The following EML6 variants were observed in gnomAD, a reference collection of about 807,000 sequenced individuals.
EML6 encodes the protein echinoderm microtubule-associated protein-like 6.
In EML6, 154 loss-of-function variants were observed where a neutral mutation model predicts 240.1. The ratio of observed to expected loss-of-function variants is 0.64; its 90% CI spans 0.56 to 0.73. The LOEUF is 0.73. Ranked by LOEUF, EML6 falls within the 30% of genes least tolerant of loss-of-function variation. The pLI, the probability that EML6 is intolerant of heterozygous loss-of-function variation, is 0.00. For synonymous variants in EML6, 1,148 were observed against 899.0 expected, an observed-to-expected ratio of 1.28 and a Z score of -4.95; for missense variants, 2,964 against 2,474.6, an observed-to-expected ratio of 1.20 and a Z score of -4.20.
intron 7 of EML6, among the ~76,000 whole-genome samples, chr2:54,840,843 T>G (rs1325462440): frequency 2.6e-5 from 4 of 152,166 alleles, no homozygotes; most frequent in African/African-American, 9.7e-5. Context: ...ACAGTAAAAG[T>G]AGATTATTTG....
intron 25 of EML6, among the ~76,000 whole-genome samples, chr2:54,912,187 C>T (rs766431284): frequency 1.9e-4 from 29 of 152,208 alleles, no homozygotes; most frequent in Non-Finnish European, 3.4e-4. Context: ...AAAAAATATA[C>T]ATCGTTATAG....
chr2:54,765,620 C>A (rs1614026), intron 2 of EML6, among the ~76,000 whole-genome samples: 3 of 151,996 alleles, frequency 2.0e-5, no homozygotes, highest in African/African-American at 7.2e-5. Context: ...GCCCTATGTC[C>A]GGCTAAGTTT....
chr2:54,847,721 C>T, intron 9 of EML6, 98 bp downstream of exon 9: 3 of 1,319,350 alleles, frequency 2.3e-6, no homozygotes, highest in South Asian at 1.4e-5. Context: ...AGGAAAAATC[C>T]ATTTAGCCAT....
At position 54,879,501 on chromosome 2, in the gene EML6, G is replaced by GT. The variant is rs1558642677; in HGVS notation, c.2345-40dup. ...CTCTTTACAGTGTATGAAATGTTTT[G>GT]TTTTTTCATGGAAGAAATTTTGACA... On this transcript the variant is annotated intron_variant, in intron 16 of 41. Coordinates refer to ENST00000356458, the MANE Select transcript of EML6 (RefSeq NM_001039753.4). The GT allele has an allele frequency of 8.5e-6, 11 of 1,291,142 alleles. No individual in the cohort carries two copies. The South Asian group carries it at 9.0e-5, about 11-fold the overall frequency. The allele number at this position is 1,291,142 out of a possible 1,614,324, so 80.0% of individuals were successfully genotyped here.
chr2:54,781,434 A>G (rs900728036), intron 2 of EML6, among the ~76,000 whole-genome samples: 1 of 152,216 alleles, frequency 6.6e-6, no homozygotes, highest in Non-Finnish European at 1.5e-5. Flanking sequence ...ATAGGAATTA[A>G]AATATTACCA....
chr2:54,866,918 C>G (rs1558630251), intron 14 of EML6, 34 bp downstream of exon 14: 1 of 1,294,364 alleles, frequency 7.7e-7, no homozygotes, highest in Non-Finnish European at 1.1e-6. Context: ...CGTATGTGTT[C>G]CTCTGTCTCT....
chr2:54,739,912 T>C (rs1343918215), intron 2 of EML6, among the ~76,000 whole-genome samples: 1 of 152,162 alleles, frequency 6.6e-6, no homozygotes, highest in Non-Finnish European at 1.5e-5. Flanking sequence ...TTCTGGAGAC[T>C]CTTGATTCCT....
intron 28 of EML6, among the ~76,000 whole-genome samples, chr2:54,939,725 C>T (rs1175015776): frequency 6.6e-6 from 1 of 152,204 alleles, no homozygotes; most frequent in Non-Finnish European, 1.5e-5. Context: ...AGGCTAACAA[C>T]TTTCATACAA....
intron 26 of EML6, among the ~76,000 whole-genome samples, chr2:54,924,290 C>A (rs763026805): frequency 6.6e-6 from 1 of 152,124 alleles, no homozygotes; most frequent in Non-Finnish European, 1.5e-5. Flanking sequence ...TTCAGCTGTC[C>A]AGGGGAGTAG....
At chr2:54,936,656 A>G (rs1455833848) in intron 28 of EML6, among the ~76,000 whole-genome samples, 1 of 152,202 alleles carries the variant, frequency 6.6e-6, no homozygotes, top group Non-Finnish European at 1.5e-5. Context: ...ATTTTTTTCA[A>G]GGTCCTTTAT....
At chr2:54,952,375 C>A (rs11683784) in intron 30 of EML6, among the ~76,000 whole-genome samples, 18,489 of 152,092 alleles carry the variant, frequency 0.12, 1,309 homozygotes, top group East Asian at 0.25. Flanking sequence ...TATCAGATAA[C>A]AGACAGTAGC....
intron 25 of EML6, among the ~76,000 whole-genome samples, chr2:54,912,427 T>A (rs1391431001): frequency 6.6e-6 from 1 of 152,180 alleles, no homozygotes; most frequent in African/African-American, 2.4e-5. Context: ...CAGCTTTGAT[T>A]TTAGATTCGG....
At chr2:54,793,526 A>G (rs1032273685) in intron 2 of EML6, among the ~76,000 whole-genome samples, 17 of 152,094 alleles carry the variant, frequency 1.1e-4, no homozygotes, top group African/African-American at 4.1e-4. Context: ...TACTATGAAC[A>G]CTAAATCCTG....
intron 36 of EML6, among the ~76,000 whole-genome samples, chr2:54,963,161 C>G (rs922236226): frequency 1.3e-5 from 2 of 152,052 alleles, no homozygotes; most frequent in African/African-American, 2.4e-5. Context: ...GAGTTCTTGC[C>G]GATCCTCATG....
At chr2:54,809,244 G>A (rs77932646) in intron 2 of EML6, among the ~76,000 whole-genome samples, 4,031 of 152,240 alleles carry the variant, frequency 0.026, 169 homozygotes, top group African/African-American at 0.084. Context: ...ACTCTCAATA[G>A]GCAGATAGAC....
intron 18 of EML6, among the ~76,000 whole-genome samples, chr2:54,891,602 T>C (rs1227720199): frequency 3.3e-5 from 5 of 152,182 alleles, no homozygotes; most frequent in Non-Finnish European, 2.9e-5. Flanking sequence ...TTAATGTTGA[T>C]AATAATGATG....
At position 54,803,255 on chromosome 2, in the gene EML6, A is replaced by G. The variant is rs558427211; in HGVS notation, c.198-9977A>G. ...TGGCCAGGAAGTGCCCTTGGAAGCA[A>G]GTTTCATGAACATAAATGATCAAAG... On this transcript the variant is annotated intron_variant, in intron 2 of 41. Transcript: ENST00000356458. 3.4e-4 allele frequency among the ~76,000 whole-genome samples: 52 copies of G among 152,268 alleles called. 1 individual carries two copies. The highest frequency in any genetic ancestry group is 1.1e-3 in the African/African-American group (46 of 41,558).
intron 11 of EML6, among the ~76,000 whole-genome samples, chr2:54,856,261 C>T (rs1670371420): frequency 6.6e-6 from 1 of 152,188 alleles, no homozygotes; most frequent in African/African-American, 2.4e-5. Flanking sequence ...ACCATCGCCA[C>T]ACAGACACTG....
chr2:54,876,273 T>C (rs1183754887), intron 16 of EML6, among the ~76,000 whole-genome samples: 2 of 152,166 alleles, frequency 1.3e-5, no homozygotes, highest in African/African-American at 4.8e-5. Flanking sequence ...GCCAATTTTA[T>C]TTCCAAACTG....
Sources: gnomAD v4.1 joint callset for allele counts (sites outside exome capture counted in the v4.1 genomes callset) on GRCh38, gnomAD v4.1.1 for gene constraint, MANE v1.5 for transcripts, NCBI Gene and HGNC (gene_info 2026-07-23, HGNC 2026-07-21) for gene names.